Variants in KRTCAP2 observed in about 807,000 individuals in gnomAD.
The protein encoded by KRTCAP2 is keratinocyte associated protein 2, also known as dolichyl-diphosphooligosaccharide--protein glycosyltransferase subunit KCP2.
In KRTCAP2, 10 loss-of-function variants were observed where a neutral mutation model predicts 16.5. The observed-to-expected ratio is 0.60, with a 90% confidence interval of 0.37 to 1.02. The LOEUF is 1.02. Among genes scored for constraint, KRTCAP2 ranks in the 50% least tolerant of loss-of-function variants. The probability of loss-of-function intolerance (pLI) is 0.01; values close to 1 mark genes in which losing one functional copy is unlikely to be tolerated. For missense variants in KRTCAP2, 152 were observed against 159.6 expected, an observed-to-expected ratio of 0.95 and a Z score of 0.26; for synonymous variants, 68 against 69.8, an observed-to-expected ratio of 0.97 and a Z score of 0.13.
intron 1 of KRTCAP2, 26 bp from the exon 2 acceptor site, chr1:155,172,918 A>C: frequency 6.2e-7 from 1 of 1,611,354 alleles, no homozygotes; most frequent in South Asian, 1.1e-5. Context: ...GAAGGGACGG[A>C]GAGTCAGGCT....
At chr1:155,172,460 T>C (rs1478629767) in intron 3 of KRTCAP2, 105 bp downstream of exon 3, 5 of 1,589,676 alleles carry the variant, frequency 3.1e-6, no homozygotes, top group African/African-American at 1.4e-5. Context: ...AGTAAATATA[T>C]TTCTCCTTAA....
At position 155,169,417 on chromosome 1, in the gene KRTCAP2, T is replaced by A; in HGVS notation, c.*23A>T. 5 of 1,612,938 alleles carry A rather than the reference T, an allele frequency of 3.1e-6. No homozygotes were observed. The highest frequency in any genetic ancestry group is 4.2e-6 in the Non-Finnish European group (5 of 1,179,442). On this transcript the variant is annotated 3_prime_UTR_variant, in exon 5 of 5. Transcript: ENST00000295682. ...TCACAACTCACAGAGCTACAAAGAA[T>A]CAACTTTATTGAACATTCAGGGTCA...
rs1267568435 is a variant in KRTCAP2, at chr1:155,169,482, G to A, written c.369C>T (p.Leu123=). 6.2e-6 allele frequency: 10 copies of A among 1,613,966 alleles called. No homozygotes were observed. Among genetic ancestry groups the A allele is most frequent in the Non-Finnish European group, 8.5e-6 (10 of 1,179,954 alleles). The change falls in exon 5 of 5, where the codon CTC becomes CTT. Residue 123 remains leucine (L), a synonymous_variant. Transcript: ENST00000295682. The stretch of plus-strand genomic sequence containing the variant: ...TCTTGCCTGTGACCTTGGCTGGTGT[G>A]AGGACTGGAGCTGCTGCCTGGTACA... The part of the protein sequence containing the change: ...STLYQAAAPV[L]TPAKVTGKSK...
chr1:155,171,803 A>ACATCCCTG (rs1665254231), intron 3 of KRTCAP2: 1 of 815,188 alleles, frequency 1.2e-6, no homozygotes, highest in South Asian at 5.6e-5. Flanking sequence ...TTCAGTGATC[A>ACATCCCTG]CATCCCTGCA....
At chr1:155,172,698 T>C in intron 2 of KRTCAP2, 40 bp downstream of exon 2, 1 of 1,614,112 alleles carries the variant, frequency 6.2e-7, no homozygotes, top group Non-Finnish European at 8.5e-7. Flanking sequence ...GAAGGGCACA[T>C]GCCTACGTGG....
At chr1:155,173,144 G>A in intron 1 of KRTCAP2, 77 bp downstream of exon 1, 2 of 1,287,540 alleles carry the variant, frequency 1.6e-6, no homozygotes, top group Non-Finnish European at 1.1e-6. Flanking sequence ...GCTCTGTCGG[G>A]AGAGGACGAG....
At chr1:155,172,430 A>G in intron 3 of KRTCAP2, 135 bp downstream of exon 3, 1 of 1,528,338 alleles carries the variant, frequency 6.5e-7, no homozygotes, top group Non-Finnish European at 8.8e-7. Context: ...GAAAAGCGTC[A>G]TCTGTCTTCA....
Position 155,173,202 on chromosome 1 carries a change from A to T in KRTCAP2, c.4+19T>A. On this transcript the variant is annotated intron_variant, in intron 1 of 4. Transcript: ENST00000295682. ...CGACCCCCTCTAGGACTTCCTGGGG[A>T]CCCCACCGGTCCTGTTACCCATCAT... 1.2e-6 allele frequency: 2 copies of T among 1,609,440 alleles called. No homozygotes were observed. The highest frequency in any genetic ancestry group is 1.7e-6 in the Non-Finnish European group (2 of 1,177,150).
In KRTCAP2 at chr1:155,172,880, C is replaced by T; in HGVS notation, c.17G>A (p.Gly6Asp). The change falls in exon 2 of 5, where the codon GGC (glycine) becomes GAC (aspartate). Residue 6 changes from glycine to aspartate, a missense_variant. Physicochemically the swap from Gly to Asp is moderately conservative, Grantham distance 94. Transcript: ENST00000295682. ...GAGGGAGGAGAGCGCCAGCGAGGTG[C>T]CCGTACCCACCACTGGAGGGGATGG... MVVGT[G>D]TSLALSSLLS... 3 of 1,613,970 alleles carry T rather than the reference C, an allele frequency of 1.9e-6. No homozygotes were observed. Among genetic ancestry groups the T allele is most frequent in the Non-Finnish European group, 2.5e-6 (3 of 1,179,992 alleles).
intron 4 of KRTCAP2, 23 bp from the exon 5 acceptor site, chr1:155,169,583 T>C (rs1350824463): frequency 1.2e-6 from 2 of 1,611,396 alleles, no homozygotes; most frequent in Admixed American, 1.7e-5. Flanking sequence ...GACAGAAAGG[T>C]CATGGCACCA....
chr1:155,169,541 C>T lies in KRTCAP2; in HGVS notation c.310G>A (p.Gly104Ser), dbSNP rs1319892367. The T allele has an allele frequency of 1.9e-6, 3 of 1,614,048 alleles. No homozygotes were observed. The Admixed American group carries it at 5.0e-5, about 27-fold the overall frequency. ...GAGATCTTGTTGATGTAGTACAGACCAACCATGGAGAAGATGAAGCTATAT... is the reference window on the plus strand; with the variant it reads ...GAGATCTTGTTGATGTAGTACAGACTAACCATGGAGAAGATGAAGCTATAT... ...VTTCFIFSMV[G>S]LYYINKISST... The change falls in exon 5 of 5, where the codon GGT becomes AGT. Residue 104 changes from glycine (G) to serine (S), a missense_variant. Coordinates refer to ENST00000295682, the MANE Select transcript of KRTCAP2 (RefSeq NM_173852.4).
chr1:155,172,260 C>T, intron 3 of KRTCAP2: 1 of 1,238,518 alleles, frequency 8.1e-7, no homozygotes, highest in Non-Finnish European at 1.0e-6. Flanking sequence ...CTGGTGGGAA[C>T]AAGGACCGCC....
intron 3 of KRTCAP2, chr1:155,172,283 G>T: frequency 7.8e-7 from 1 of 1,289,188 alleles, no homozygotes; most frequent in Non-Finnish European, 9.9e-7. Flanking sequence ...CCAGCGAATA[G>T]ATGCAAAACA....
chr1:155,173,181 C>G, intron 1 of KRTCAP2, 40 bp downstream of exon 1: 2 of 1,546,252 alleles, frequency 1.3e-6, no homozygotes, highest in Non-Finnish European at 1.8e-6. Context: ...AAACCCCGAC[C>G]CCCTCTAGGA....
rs1012864324 is a variant in KRTCAP2, at chr1:155,171,860, A to G, written c.223+705T>C. 51 of 978,010 alleles carry G rather than the reference A, an allele frequency of 5.2e-5. No homozygotes were observed. In the African/African-American group the frequency reaches 8.7e-4, roughly 17 times the overall value. The allele number at this position is 978,010 out of a possible 1,614,324, so 60.6% of individuals were successfully genotyped here. Reference sequence around the variant, plus strand: ...AAAGCCTTGTCTCAAAAAAAAAAAAAAAAAAAAAAGAGAAAAGATTAAGGG... The same window carrying G: ...AAAGCCTTGTCTCAAAAAAAAAAAAGAAAAAAAAAGAGAAAAGATTAAGGG... On this transcript the variant is annotated intron_variant, in intron 3 of 4. Coordinates refer to ENST00000295682, the MANE Select transcript of KRTCAP2 (RefSeq NM_173852.4).
chr1:155,172,468 TAAC>T, intron 3 of KRTCAP2, 94 bp downstream of exon 3: 2 of 1,600,594 alleles, frequency 1.2e-6, no homozygotes, highest in Non-Finnish European at 1.7e-6. Context: ...TATTTCTCCT[TAAC>T]AACCTTTCAC....
At chr1:155,171,868 A>AG (rs1491309294) in intron 3 of KRTCAP2, 2 of 973,548 alleles carry the variant, frequency 2.1e-6, no homozygotes, top group Non-Finnish European at 2.4e-6. Context: ...AAAAAAAAAA[A>AG]AGAGAAAAGA....
At position 155,172,686 on chromosome 1, in the gene KRTCAP2, G is replaced by A. The variant is rs758212274; in HGVS notation, c.159+52C>T. ...ACGGGGACAGAGCTGTGTGGGGAAG[G>A]GGAAGGGCACATGCCTACGTGGCCC... is the stretch of plus-strand genomic sequence containing the variant. On this transcript the variant is annotated intron_variant, in intron 2 of 4. Transcript: ENST00000295682. 5 of 1,614,156 alleles carry A rather than the reference G, an allele frequency of 3.1e-6. No homozygotes were observed. In the Admixed American group the frequency reaches 5.0e-5, roughly 16 times the overall value.
chr1:155,172,973 AG>A, intron 1 of KRTCAP2, 81 bp from the exon 2 acceptor site: 1 of 1,482,794 alleles, frequency 6.7e-7, no homozygotes, highest in Non-Finnish European at 9.3e-7. Flanking sequence ...CCGGTCCGGA[AG>A]CTCGGTGGGC....
Sources: allele counts gnomAD v4.1 joint callset, GRCh38; gene constraint gnomAD v4.1.1; transcripts MANE v1.5; gene names NCBI Gene and HGNC (gene_info 2026-07-23, HGNC 2026-07-21).